Variants in ABI3BP observed in about 807,000 individuals in gnomAD.
The protein encoded by ABI3BP is ABI family member 3 binding protein, also known as target of Nesh-SH3.
A neutral mutation model predicts 268.6 loss-of-function variants in ABI3BP; 216 were observed. The observed-to-expected ratio is 0.80, with a 90% CI of 0.72 to 0.90. The LOEUF (loss-of-function observed/expected upper bound fraction) is 0.90, where lower values mean the gene tolerates loss of function less well. ABI3BP is among the 40% of genes least tolerant of loss of function. The pLI, the probability that ABI3BP is intolerant of heterozygous loss-of-function variation, is 0.00. For missense variants in ABI3BP, 2,090 were observed against 2,182.4 expected (o/e 0.96, Z 0.84); for synonymous variants, 730 against 730.0 (o/e 1.00, Z 0.00).
rs779734858 is a variant in ABI3BP at position 100,885,584 on chromosome 3, T to C, written c.648A>G (p.Lys216=). The change falls in exon 6 of 68, where the codon AAA becomes AAG. Residue 216 remains lysine, a synonymous_variant. Transcript: ENST00000471714. ...IFNHKTVVGS[K]KVNGKIQSTY... is the part of the protein sequence containing the mutation. ...TACTTTGGATTTTCCCATTTACTTT[T>C]TTACCTGATGAAACAAGGGAAAAAT... 1.7e-5 allele frequency: 26 copies of C among 1,548,538 alleles called. No homozygotes were observed. Among genetic ancestry groups the C allele is most frequent in the Non-Finnish European group, 2.1e-5 (24 of 1,138,956 alleles).
Position 100,795,019 on chromosome 3 carries a change from G to C in ABI3BP, c.3866-16C>G. 7.0e-7 allele frequency: 1 copy of C among 1,429,452 alleles called. No individual in the cohort carries two copies. The highest frequency in any genetic ancestry group is 9.2e-7 in the Non-Finnish European group (1 of 1,088,366). The allele number at this position is 1,429,452 out of a possible 1,614,324, so 88.5% of individuals were successfully genotyped here. ...TCTAGAGGAGCTGCAAAAAGAAAAG[G>C]ACCAAGGTTGTAAATTTTTAGATTC... is the stretch of plus-strand genomic sequence containing the variant. On this transcript the variant is annotated splice_polypyrimidine_tract_variant and intron_variant, in intron 53 of 67. Coordinates refer to ENST00000471714, the MANE Select transcript of ABI3BP (RefSeq NM_001375547.2).
At position 100,871,565 on chromosome 3, in the gene ABI3BP, T is replaced by A. The variant is rs1025348679; in HGVS notation, c.910+3276A>T. Among the ~76,000 whole-genome samples the A allele has an allele frequency of 2.6e-5, 4 of 152,324 alleles. 1 individual carries two copies. The highest frequency in any genetic ancestry group is 2.6e-4 in the Admixed American group (4 of 15,298). ...CTATTCTCGTGATAGTGAATAAGAC[T>A]CATAAGATCTGATGGCTTTAAAAAT... On this transcript the variant is annotated intron_variant, in intron 9 of 67. Transcript: ENST00000471714.
chr3:100,940,583 C>T (rs1318589770), intron 1 of ABI3BP, among the ~76,000 whole-genome samples: 2 of 150,740 alleles, frequency 1.3e-5, no homozygotes, highest in African/African-American at 2.4e-5. Flanking sequence ...CCATTCCGAC[C>T]TTTCCTCATA....
chr3:100,903,231 A>G (rs1476784583), intron 2 of ABI3BP, among the ~76,000 whole-genome samples: 1 of 152,210 alleles, frequency 6.6e-6, no homozygotes, highest in African/African-American at 2.4e-5. Context: ...CAATTTCTAA[A>G]CAGTCACAAT....
At chr3:100,852,506 T>C (rs1482419238) in intron 14 of ABI3BP, among the ~76,000 whole-genome samples, 1 of 152,160 alleles carries the variant, frequency 6.6e-6, no homozygotes. Flanking sequence ...TTGTAGACAA[T>C]AGGAGGTTAT....
intron 4 of ABI3BP, among the ~76,000 whole-genome samples, chr3:100,892,741 G>A (rs1407469999): frequency 6.6e-6 from 1 of 152,200 alleles, no homozygotes; most frequent in East Asian, 1.9e-4. Flanking sequence ...TTCCCTACAT[G>A]ACTTGCATGC....
At position 100,749,768 on chromosome 3, in the gene ABI3BP, A is replaced by C. The variant is rs1477853039; in HGVS notation, c.*727T>G. 3 of 397,988 alleles carry C rather than the reference A, an allele frequency of 7.5e-6. No individual in the cohort carries two copies. Among genetic ancestry groups the C allele is most frequent in the African/African-American group, 6.2e-5 (3 of 48,606 alleles). The allele number at this position is 397,988 out of a possible 1,614,324, so 24.7% of individuals were successfully genotyped here. On this transcript the variant is annotated 3_prime_UTR_variant, in exon 68 of 68. Coordinates refer to ENST00000471714, the MANE Select transcript of ABI3BP (RefSeq NM_001375547.2). ...GATTGCATAAAGGGATAGTTTGACA[A>C]AGCATATTCAGATATTGTAACATTT...
At position 100,816,857 on chromosome 3, in the gene ABI3BP, ATTTAAG is replaced by A. The variant is rs1046194261; in HGVS notation, c.3149-95_3149-90del. The A allele has an allele frequency of 3.7e-5, 31 of 842,028 alleles. 1 individual carries two copies. Among genetic ancestry groups the A allele is most frequent in the Middle Eastern group, 4.4e-4 (2 of 4,544 alleles). The allele number at this position is 842,028 out of a possible 1,614,324, so 52.2% of individuals were successfully genotyped here. ...TAAAGGTATGTCATATTTCCTTGAG[ATTTAAG>A]TCATATGTCTTTTAAGATTAAAATA... On this transcript the variant is annotated intron_variant, in intron 42 of 67. Transcript: ENST00000471714.
At chr3:100,985,081 T>C (rs1419388358) in intron 1 of ABI3BP, among the ~76,000 whole-genome samples, 1 of 151,908 alleles carries the variant, frequency 6.6e-6, no homozygotes, top group Non-Finnish European at 1.5e-5. Flanking sequence ...CAAGTTTAAT[T>C]AGACCTACAG....
chr3:100,792,337 G>A, intron 55 of ABI3BP, among the ~76,000 whole-genome samples: 1 of 151,702 alleles, frequency 6.6e-6, no homozygotes, highest in East Asian at 1.9e-4. Flanking sequence ...CCAGGAGGAA[G>A]TTAGAGAGGG....
intron 1 of ABI3BP, among the ~76,000 whole-genome samples, chr3:100,938,454 G>T (rs2067282709): frequency 6.6e-6 from 1 of 151,980 alleles, no homozygotes; most frequent in Admixed American, 6.6e-5. Context: ...GTATTAAAAG[G>T]AAAAAACCAT....
At chr3:100,829,498 T>A (rs1433677187) in intron 33 of ABI3BP, 83 bp downstream of exon 33, 1 of 1,306,976 alleles carries the variant, frequency 7.7e-7, no homozygotes, top group Non-Finnish European at 1.1e-6. Context: ...AATCAGCTGC[T>A]GACCATGCCC....
At chr3:100,963,418 T>G (rs771005472) in intron 1 of ABI3BP, among the ~76,000 whole-genome samples, 14 of 152,160 alleles carry the variant, frequency 9.2e-5, no homozygotes, top group Non-Finnish European at 1.9e-4. Context: ...TCTTACAAAT[T>G]TATTCCTTTT....
chr3:100,848,497 A>C lies in ABI3BP; in HGVS notation c.1576+304T>G, dbSNP rs547353090. ...CCTTTTTTTTTTTTCCCTGAGATAG[A>C]GTCTTGCTCTGTTGCCCAGGCTTGA... On this transcript the variant is annotated intron_variant, in intron 18 of 67. Transcript: ENST00000471714. Among the ~76,000 whole-genome samples the C allele has an allele frequency of 5.4e-3, 808 of 150,626 alleles. 10 individuals carry two copies. The highest frequency in any genetic ancestry group is 0.019 in the African/African-American group (765 of 40,900).
intron 67 of ABI3BP, 135 bp downstream of exon 67, chr3:100,751,417 G>T: frequency 1.1e-6 from 1 of 945,534 alleles, no homozygotes. Flanking sequence ...TTACATTGAA[G>T]TCTTCATTTT....
chr3:100,787,628 G>T, intron 57 of ABI3BP, 100 bp downstream of exon 57: 2 of 1,050,442 alleles, frequency 1.9e-6, no homozygotes, highest in South Asian at 2.1e-5. Context: ...TTAAAAACTG[G>T]TAAAAAGGAA....
At chr3:100,862,177 G>T in intron 14 of ABI3BP, 134 bp downstream of exon 14, 1 of 666,824 alleles carries the variant, frequency 1.5e-6, no homozygotes, top group Non-Finnish European at 2.5e-6. Flanking sequence ...GTTCATCTCA[G>T]TATCAACAAA....
intron 1 of ABI3BP, among the ~76,000 whole-genome samples, chr3:100,929,847 CTCTT>C (rs992511605): frequency 1.3e-5 from 2 of 152,010 alleles, no homozygotes; most frequent in African/African-American, 4.8e-5. Context: ...ACCAAATTGA[CTCTT>C]TCAGTGTCAG....
At chr3:100,824,785 A>G (rs557299454) in intron 36 of ABI3BP, 73 bp downstream of exon 36, 30 of 1,297,400 alleles carry the variant, frequency 2.3e-5, no homozygotes, top group Non-Finnish European at 3.1e-5. Context: ...GCTGCTCAGC[A>G]TTGACACTGC....
Sources: allele counts gnomAD v4.1 joint callset (sites outside exome capture counted in the v4.1 genomes callset), GRCh38; gene constraint gnomAD v4.1.1; transcripts MANE v1.5; gene names NCBI Gene and HGNC (gene_info 2026-07-23, HGNC 2026-07-21).